Variants in DNAI3 observed in about 807,000 individuals in gnomAD.
DNAI3 encodes the protein WD repeat domain 63.
DNAI3 carries 83 observed loss-of-function variants against 115.5 expected under a neutral mutation model. That is an observed-to-expected ratio of 0.72 (90% confidence interval 0.60 to 0.86). The LOEUF (loss-of-function observed/expected upper bound fraction) is 0.86, where lower values mean the gene tolerates loss of function less well. DNAI3 is among the 40% of genes least tolerant of loss of function. The probability of loss-of-function intolerance (pLI) is 0.00; values close to 1 mark genes in which losing one functional copy is unlikely to be tolerated. For synonymous variants in DNAI3, 320 were observed against 347.0 expected (o/e 0.92, Z 0.86); for missense variants, 1,004 against 1,075.8 (o/e 0.93, Z 0.93).
At position 85,085,874 on chromosome 1, in the gene DNAI3, C is replaced by A; in HGVS notation, c.584C>A (p.Pro195Gln). The change falls in exon 7 of 23, where the codon CCA becomes CAA. Residue 195 changes from proline to glutamine, a missense_variant. Physicochemically the swap from Pro to Gln is moderately conservative, Grantham distance 76. Around this residue, in one of 3 missense-constraint regions of DNAI3, gnomAD observed 550 missense variants for 568.1 expected, o/e 0.97. Transcript: ENST00000294664. ...CGAAAACGAAGTGAATTTGGTGCACCAATTAAGTTCAGTGACCAGAATGCT... is the reference window on the plus strand; with the variant it reads ...CGAAAACGAAGTGAATTTGGTGCACAAATTAAGTTCAGTGACCAGAATGCT... ...ISRKRSEFGA[P>Q]IKFSDQNASS... 6.2e-7 allele frequency: 1 copy of A among 1,614,072 alleles called. No homozygotes were observed. The highest frequency in any genetic ancestry group is 8.5e-7 in the Non-Finnish European group (1 of 1,180,008).
intron 1 of DNAI3, among the ~76,000 whole-genome samples, chr1:85,068,963 T>G (rs1295020382): frequency 2.6e-5 from 4 of 152,232 alleles, no homozygotes; most frequent in African/African-American, 9.6e-5. Context: ...TAAGGCCTGC[T>G]TCTTCAGCCT....
intron 8 of DNAI3, among the ~76,000 whole-genome samples, chr1:85,093,212 T>C (rs1218871608): frequency 1.3e-5 from 2 of 152,122 alleles, no homozygotes; most frequent in Non-Finnish European, 2.9e-5. Context: ...CTGGAGAGAG[T>C]ACAGCCTTGG....
chr1:85,099,692 G>A (rs182545963), intron 13 of DNAI3, among the ~76,000 whole-genome samples: 284 of 152,268 alleles, frequency 1.9e-3, no homozygotes, highest in Non-Finnish European at 2.8e-3. Flanking sequence ...GAACAAAGCC[G>A]GAGGCATCAC....
intron 5 of DNAI3, among the ~76,000 whole-genome samples, chr1:85,083,045 G>C (rs1445569929): frequency 2.6e-5 from 4 of 152,328 alleles, no homozygotes; most frequent in Non-Finnish European, 5.9e-5. Flanking sequence ...AAAGGTAACA[G>C]ATGTATGAGA....
At chr1:85,111,925 A>G (rs1655672131) in intron 16 of DNAI3, among the ~76,000 whole-genome samples, 1 of 152,214 alleles carries the variant, frequency 6.6e-6, no homozygotes, top group Non-Finnish European at 1.5e-5. Context: ...AAGTTTATTC[A>G]TAGAGGAATT....
chr1:85,095,341 C>T (rs1228660279), intron 10 of DNAI3, among the ~76,000 whole-genome samples: 1 of 152,176 alleles, frequency 6.6e-6, no homozygotes, highest in Non-Finnish European at 1.5e-5. Flanking sequence ...TCCCCTTCTT[C>T]CTTTCCCCAA....
At chr1:85,066,327 T>TTTTC (rs1396146192) in intron 1 of DNAI3, among the ~76,000 whole-genome samples, 2 of 129,838 alleles carry the variant, frequency 1.5e-5, no homozygotes, top group Non-Finnish European at 3.3e-5. Context: ...TTTTTTTTTT[T>TTTTC]TTTTTTTTTT....
intron 17 of DNAI3, 41 bp downstream of exon 17, chr1:85,117,900 A>T: frequency 6.3e-7 from 1 of 1,585,784 alleles, no homozygotes; most frequent in Non-Finnish European, 8.6e-7. Flanking sequence ...ATACTTATTT[A>T]TACTAAAATA....
intron 16 of DNAI3, among the ~76,000 whole-genome samples, chr1:85,115,648 T>A (rs959499010): frequency 6.6e-6 from 1 of 152,116 alleles, no homozygotes; most frequent in Non-Finnish European, 1.5e-5. Flanking sequence ...TTCCCCAACC[T>A]TTTTTGCACC....
At position 85,095,916 on chromosome 1, in the gene DNAI3, C is replaced by A. The variant is rs780114856; in HGVS notation, c.1174-15C>A. On this transcript the variant is annotated splice_polypyrimidine_tract_variant and intron_variant, in intron 10 of 22. Transcript: ENST00000294664. ...CTTTTCTCATTCTTTCATGAATTTG[C>A]TGGGTTTACTTTAGTTAATGCTGGA... is the stretch of plus-strand genomic sequence containing the variant. The A allele has an allele frequency of 1.9e-6, 3 of 1,608,756 alleles. No homozygotes were observed. Among genetic ancestry groups the A allele is most frequent in the Admixed American group, 1.7e-5 (1 of 59,926 alleles).
chr1:85,117,617 G>A, intron 16 of DNAI3, 112 bp from the exon 17 acceptor site: 1 of 1,429,844 alleles, frequency 7.0e-7, no homozygotes, highest in South Asian at 1.3e-5. Flanking sequence ...ACTACATTGG[G>A]AAGGGAATGG....
intron 5 of DNAI3, among the ~76,000 whole-genome samples, chr1:85,082,813 A>G (rs1654674933): frequency 6.6e-6 from 1 of 152,146 alleles, no homozygotes; most frequent in African/African-American, 2.4e-5. Flanking sequence ...GGGATGAACT[A>G]AATCAAGTAT....
chr1:85,098,752 A>AT, intron 13 of DNAI3, 94 bp downstream of exon 13: 1 of 1,537,210 alleles, frequency 6.5e-7, no homozygotes, highest in Admixed American at 2.0e-5. Flanking sequence ...ATTCATTTAC[A>AT]CTTAAATTGT....
chr1:85,088,477 T>C (rs1314531724), intron 7 of DNAI3, among the ~76,000 whole-genome samples: 1 of 152,120 alleles, frequency 6.6e-6, no homozygotes, highest in African/African-American at 2.4e-5. Flanking sequence ...GAAAGTAGGA[T>C]ATGTGATTAT....
intron 1 of DNAI3, among the ~76,000 whole-genome samples, chr1:85,065,272 A>G (rs757239539): frequency 2.6e-5 from 4 of 152,144 alleles, no homozygotes; most frequent in Non-Finnish European, 4.4e-5. Context: ...ACAGGCAACA[A>G]ATGAGAGCAT....
At chr1:85,110,312 T>A (rs963965082) in intron 16 of DNAI3, among the ~76,000 whole-genome samples, 177 bp downstream of exon 16, 2 of 151,456 alleles carry the variant, frequency 1.3e-5, no homozygotes, top group Non-Finnish European at 2.9e-5. Flanking sequence ...TTAGCCGGGC[T>A]TAGTGGCGGG....
intron 11 of DNAI3, among the ~76,000 whole-genome samples, chr1:85,097,332 T>C (rs951147857): frequency 6.6e-6 from 1 of 152,208 alleles, no homozygotes; most frequent in Admixed American, 6.5e-5. Flanking sequence ...TTTTTAAAAA[T>C]ACTGGCCTTT....
chr1:85,127,036 T>G (rs1054093530), intron 20 of DNAI3, among the ~76,000 whole-genome samples: 2 of 152,210 alleles, frequency 1.3e-5, no homozygotes, highest in Admixed American at 1.3e-4. Context: ...GATGGGAACA[T>G]CCTTCTCTTC....
At chr1:85,076,120 T>C (rs1654443317) in intron 3 of DNAI3, among the ~76,000 whole-genome samples, 1 of 152,150 alleles carries the variant, frequency 6.6e-6, no homozygotes, top group Admixed American at 6.5e-5. Flanking sequence ...TCCTGGCCCC[T>C]TCCTTCCTCT....
Sources: gnomAD v4.1 joint callset for allele counts (sites outside exome capture counted in the v4.1 genomes callset) on GRCh38, gnomAD v4.1.1 for gene constraint, gnomAD v4.1.1 regional missense constraint, MANE v1.5 for transcripts, NCBI Gene and HGNC (gene_info 2026-07-23, HGNC 2026-07-21) for gene names.